NFATC2: variants seen among roughly 807,000 people sequenced by gnomAD.
NFATC2 encodes nuclear factor of activated T cells 2.
In NFATC2, 22 loss-of-function variants were observed where a neutral mutation model predicts 87.3. The observed-to-expected ratio is 0.25, with a 90% confidence interval of 0.18 to 0.36. The LOEUF is 0.36. Ranked by LOEUF, NFATC2 falls within the 10% of genes least tolerant of loss-of-function variation. The pLI is 1.00. For missense variants in NFATC2, 1,149 were observed against 1,259.1 expected (o/e 0.91, Z 1.32); for synonymous variants, 565 against 542.2 (o/e 1.04, Z -0.58).
chr20:51,556,811 T>A (rs566148750), intron 1 of NFATC2, among the ~76,000 whole-genome samples: 34 of 152,242 alleles, frequency 2.2e-4, no homozygotes, highest in African/African-American at 7.7e-4. Context: ...AACACCCAGC[T>A]GGGCTTCAGC....
At chr20:51,466,742 T>C (rs575252187) in intron 5 of NFATC2, among the ~76,000 whole-genome samples, 38 of 152,258 alleles carry the variant, frequency 2.5e-4, no homozygotes, top group African/African-American at 8.4e-4. Flanking sequence ...ATGACAAATT[T>C]GGCTTCATCA....
intron 3 of NFATC2, among the ~76,000 whole-genome samples, chr20:51,488,897 A>ACTTTC (rs2075830951): frequency 6.6e-6 from 1 of 152,212 alleles, no homozygotes; most frequent in African/African-American, 2.4e-5. Context: ...TGCATAAAGA[A>ACTTTC]TTACATTCAA....
chr20:51,430,039 G>C (rs6067774), intron 9 of NFATC2, among the ~76,000 whole-genome samples: 81 of 151,954 alleles, frequency 5.3e-4, no homozygotes, highest in Non-Finnish European at 8.2e-4. Flanking sequence ...AAGGACATCT[G>C]TGGATCCGGG....
intron 3 of NFATC2, among the ~76,000 whole-genome samples, chr20:51,500,300 A>T (rs1306674695): frequency 6.6e-6 from 1 of 152,096 alleles, no homozygotes; most frequent in Non-Finnish European, 1.5e-5. Context: ...CAAACTCTTT[A>T]AAAAAAATTT....
At chr20:51,550,246 T>G (rs2076921713) in intron 1 of NFATC2, among the ~76,000 whole-genome samples, 1 of 152,104 alleles carries the variant, frequency 6.6e-6, no homozygotes, top group South Asian at 2.1e-4. Context: ...CAGTGAGCCA[T>G]GATCGCACCA....
At chr20:51,500,684 AC>A (rs2146623934) in intron 3 of NFATC2, among the ~76,000 whole-genome samples, 1 of 21,860 alleles carries the variant, frequency 4.6e-5, no homozygotes, top group Non-Finnish European at 8.5e-5. Context: ...CCACCACCCC[AC>A]TCCCACCTCC....
intron 9 of NFATC2, among the ~76,000 whole-genome samples, chr20:51,400,101 C>T (rs1987837059): frequency 6.6e-6 from 1 of 152,140 alleles, no homozygotes; most frequent in Non-Finnish European, 1.5e-5. Context: ...CCCACCCACC[C>T]ATACATGCTT....
intron 9 of NFATC2, among the ~76,000 whole-genome samples, chr20:51,416,393 C>A (rs1288774885): frequency 6.6e-6 from 1 of 152,198 alleles, no homozygotes; most frequent in Non-Finnish European, 1.5e-5. Context: ...GGGCACAGCA[C>A]CCACCTGGGA....
In NFATC2 at chr20:51,454,650, G is replaced by T. The variant is rs758646703; in HGVS notation, c.1747C>A (p.Gln583Lys). Residue 583 changes from glutamine to lysine, a missense_variant, in exon 6 of 11, where the codon CAA (glutamine) becomes AAA (lysine). Physicochemically the swap from Gln to Lys is moderately conservative, Grantham distance 53. Around this residue, in one of 3 missense-constraint regions of NFATC2, gnomAD observed 581 missense variants for 649.7 expected, o/e 0.89. Transcript: ENST00000371564. Reference protein sequence around the residue: ...SAHELPMVERQDTDSCLVYGG... With the variant: ...SAHELPMVERKDTDSCLVYGG... ...TAGACCAGGCAGCTGTCTGTGTCTT[G>T]TCTTTCAACCATGGGCAGCTCGTGA... 1 of 1,614,072 alleles carries T rather than the reference G, an allele frequency of 6.2e-7. No individual in the cohort carries two copies. The highest frequency in any genetic ancestry group is 8.5e-7 in the Non-Finnish European group (1 of 1,180,028).
At chr20:51,499,217 A>C (rs900861380) in intron 3 of NFATC2, among the ~76,000 whole-genome samples, 2 of 152,174 alleles carry the variant, frequency 1.3e-5, no homozygotes, top group Non-Finnish European at 2.9e-5. Context: ...TGGGGAGCAG[A>C]TGAATGAAGG....
chr20:51,416,219 A>T (rs1980019547), intron 9 of NFATC2, among the ~76,000 whole-genome samples: 1 of 152,188 alleles, frequency 6.6e-6, no homozygotes. Flanking sequence ...CCGAGATCAC[A>T]CCGCTGCACT....
chr20:51,513,906 CT>C (rs1291403245), intron 3 of NFATC2, among the ~76,000 whole-genome samples: 2 of 152,212 alleles, frequency 1.3e-5, no homozygotes, highest in African/African-American at 4.8e-5. Flanking sequence ...GCAGGAAGAG[CT>C]GGTCTGCAAA....
intron 5 of NFATC2, among the ~76,000 whole-genome samples, chr20:51,472,629 C>CTTTTTTTTTTTTTTTTTTTTTT (rs1223762055): frequency 1.1e-4 from 10 of 92,732 alleles, no homozygotes; most frequent in African/African-American, 1.3e-4. Context: ...CTTCTTTCTT[C>CTTTTTTTTTTTTTTTTTTTTTT]TTTTTTTTTT....
chr20:51,551,290 A>C (rs1276006495), intron 1 of NFATC2, among the ~76,000 whole-genome samples: 1 of 152,218 alleles, frequency 6.6e-6, no homozygotes, highest in African/African-American at 2.4e-5. Flanking sequence ...CTCGCTGAAC[A>C]AGCTATTATA....
intron 5 of NFATC2, among the ~76,000 whole-genome samples, chr20:51,460,927 G>T (rs776617108): frequency 6.6e-6 from 1 of 152,102 alleles, no homozygotes; most frequent in Non-Finnish European, 1.5e-5. Context: ...CCAATCTCTC[G>T]GGCAGAGGCC....
intron 9 of NFATC2, among the ~76,000 whole-genome samples, chr20:51,409,172 A>G (rs567727800): frequency 6.6e-6 from 1 of 152,202 alleles, no homozygotes; most frequent in Non-Finnish European, 1.5e-5. Context: ...ACAATTTGGT[A>G]TCGTCTACTA....
intron 3 of NFATC2, among the ~76,000 whole-genome samples, chr20:51,509,208 G>A (rs142982883): frequency 6.6e-6 from 1 of 152,132 alleles, no homozygotes; most frequent in East Asian, 1.9e-4. Context: ...ATTCTCCTTG[G>A]CCTGATAGTT....
intron 5 of NFATC2, among the ~76,000 whole-genome samples, chr20:51,458,348 C>G (rs1251722864): frequency 6.6e-6 from 1 of 152,092 alleles, no homozygotes; most frequent in Non-Finnish European, 1.5e-5. Context: ...CACCCTACCC[C>G]CCAGCTGTGA....
At position 51,480,260 on chromosome 20, in the gene NFATC2, C is replaced by T. The variant is rs1989133482; in HGVS notation, c.1333-4600G>A. On this transcript the variant is annotated intron_variant, in intron 3 of 10. Coordinates refer to ENST00000371564, the MANE Select transcript of NFATC2 (RefSeq NM_012340.5). This position sits in a 1 kb window ranked among gnomAD's most constrained non-coding sequence, Gnocchi z 4.2. The stretch of plus-strand genomic sequence containing the variant: ...CCGATATTGCACCACTGCACTCCCG[C>T]CTGGGTCACAAAGCAAGACTCTGTC... Among the ~76,000 whole-genome samples, 1 of 151,328 alleles carries T rather than the reference C, an allele frequency of 6.6e-6. No homozygotes were observed. Among genetic ancestry groups the T allele is most frequent in the Non-Finnish European group, 1.5e-5 (1 of 67,958 alleles).
Sources: allele counts gnomAD v4.1 joint callset (sites outside exome capture counted in the v4.1 genomes callset), GRCh38; gene constraint gnomAD v4.1.1; regional missense constraint gnomAD v4.1.1; non-coding constraint Gnocchi (gnomAD v3.1); transcripts MANE v1.5; gene names NCBI Gene and HGNC (gene_info 2026-07-23, HGNC 2026-07-21).